The following BST1 variants were observed in gnomAD, a reference collection of about 807,000 sequenced individuals.
BST1 encodes bone marrow stromal cell antigen 1.
Under a neutral mutation model 40.6 loss-of-function variants are expected in BST1, and 49 were observed. The ratio of observed to expected loss-of-function variants is 1.21; its 90% confidence interval spans 0.96 to 1.53. BST1 has a LOEUF of 1.53. Ranked by LOEUF, BST1 falls within the 40% of genes most tolerant of loss-of-function variation. The probability of loss-of-function intolerance (pLI) is 0.00; values close to 1 mark genes in which losing one functional copy is unlikely to be tolerated. For synonymous variants in BST1, 157 were observed against 159.3 expected (o/e 0.99, Z 0.11); for missense variants, 423 against 395.9 (o/e 1.07, Z -0.58).
rs1721394671 is a variant in BST1 at position 15,731,959 on chromosome 4, GA to G, written c.*118del. On this transcript the variant is annotated 3_prime_UTR_variant, in exon 9 of 9. Transcript: ENST00000265016. ...GTTATCTAAAGAAGCTTTTTGCTGGGAAAACGATGTCCTGAAAATGGTATTT... is the reference window on the plus strand; with the variant it reads ...GTTATCTAAAGAAGCTTTTTGCTGGGAAACGATGTCCTGAAAATGGTATTT... The G allele has an allele frequency of 1.4e-6, 2 of 1,391,054 alleles. No homozygotes were observed. Among genetic ancestry groups the G allele is most frequent in the South Asian group, 1.8e-5 (1 of 56,376 alleles). 86.2% of individuals were successfully genotyped at this position (1,391,054 alleles called of 1,614,324 possible).
rs78449217 is a variant in BST1, at chr4:15,707,565, C to T, written c.370C>T (p.Arg124Cys). 4.6e-4 allele frequency: 750 copies of T among 1,613,946 alleles called. 7 individuals carry two copies. The East Asian group carries it at 8.8e-3, about 19-fold the overall frequency. The change falls in exon 3 of 9, where the codon CGT becomes TGT. Residue 124 changes from arginine to cysteine, a missense_variant. By Grantham distance (180) the Arg-to-Cys change is radical. Coordinates refer to ENST00000265016, the MANE Select transcript of BST1 (RefSeq NM_004334.3). ...TGTTAACAGCTTTGCAGACAACACC[C>T]GTCGTTTTATGCCCCTGAGCGATGT... Reference protein sequence around the residue: ...LLVNSFADNTRRFMPLSDVLY... With the variant: ...LLVNSFADNTCRFMPLSDVLY...
chr4:15,709,911 G>A (rs907589656), intron 3 of BST1, among the ~76,000 whole-genome samples: 5 of 152,018 alleles, frequency 3.3e-5, no homozygotes, highest in Middle Eastern at 3.4e-3. Context: ...CAAGAAAATA[G>A]CAAAGCCAAA....
chr4:15,712,580 C>G (rs887753040), intron 4 of BST1, among the ~76,000 whole-genome samples: 6 of 152,200 alleles, frequency 3.9e-5, no homozygotes, highest in African/African-American at 1.2e-4. Context: ...CCACCCACCA[C>G]CGCCAACCCC....
At chr4:15,759,044 C>T in the BST1 span, among the ~76,000 whole-genome samples, 7 of 151,870 alleles carry the variant, frequency 4.6e-5, no homozygotes, top group African/African-American at 7.3e-5. Context: ...TTCCACCACA[C>T]GTATCTGTGT....
downstream of BST1, chr4:15,736,154 A>T: frequency 7.8e-7 from 1 of 1,280,364 alleles, no homozygotes; most frequent in Non-Finnish European, 1.0e-6. Context: ...TTTCAAACAT[A>T]TCATTGCCTC....
At chr4:15,719,644 C>A (rs1366948578) in intron 7 of BST1, among the ~76,000 whole-genome samples, 1 of 152,156 alleles carries the variant, frequency 6.6e-6, no homozygotes, top group Non-Finnish European at 1.5e-5. Context: ...TGGAATCCAA[C>A]ATTGCAAAAA....
the BST1 span, among the ~76,000 whole-genome samples, chr4:15,752,730 T>G: frequency 6.6e-6 from 1 of 152,068 alleles, no homozygotes; most frequent in Non-Finnish European, 1.5e-5. Context: ...GTGTCTGAAC[T>G]ATTTGAGGAA....
the BST1 span, among the ~76,000 whole-genome samples, chr4:15,761,138 G>A: frequency 3.3e-5 from 5 of 151,966 alleles, no homozygotes; most frequent in South Asian, 6.2e-4. Flanking sequence ...CCCGCCTCCC[G>A]GGTTCAAGTG....
chr4:15,720,352 C>T (rs548049402), intron 7 of BST1, among the ~76,000 whole-genome samples: 4 of 152,252 alleles, frequency 2.6e-5, no homozygotes, highest in African/African-American at 4.8e-5. Context: ...AGTGCAGTGG[C>T]TCATACCTGT....
intron 8 of BST1, among the ~76,000 whole-genome samples, chr4:15,728,803 G>A (rs544371938): frequency 1.3e-5 from 2 of 152,008 alleles, no homozygotes; most frequent in Non-Finnish European, 2.9e-5. Flanking sequence ...GAGCTACCAC[G>A]CCTGGCTGAT....
rs546416211 is a variant in BST1 at position 15,728,086 on chromosome 4, T to A, written c.852-3654T>A. ...GTGATGATATGAGAAAACAGACATA[T>A]AGTACTGGAATGAGGACTCAGTGTG... On this transcript the variant is annotated intron_variant, in intron 8 of 8. Transcript: ENST00000265016. 2.6e-5 allele frequency among the ~76,000 whole-genome samples: 4 copies of A among 152,118 alleles called. No individual in the cohort carries two copies. In the South Asian group the frequency reaches 8.3e-4, roughly 32 times the overall value.
chr4:15,740,061 T>TG (rs1039944307), downstream of BST1, among the ~76,000 whole-genome samples: 3 of 151,738 alleles, frequency 2.0e-5, no homozygotes, highest in Non-Finnish European at 4.4e-5. Flanking sequence ...CTAAATTAGT[T>TG]GGGGGCAGGG....
intron 8 of BST1, among the ~76,000 whole-genome samples, chr4:15,727,475 CAT>C (rs1424116246): frequency 1.3e-5 from 2 of 152,132 alleles, no homozygotes. Context: ...TGTGAATAGT[CAT>C]AGATAATTTA....
chr4:15,726,119 G>A (rs555754113), intron 8 of BST1, among the ~76,000 whole-genome samples: 8 of 147,934 alleles, frequency 5.4e-5, no homozygotes, highest in African/African-American at 1.5e-4. Flanking sequence ...TTACCACTAC[G>A]CCAGCTAACT....
chr4:15,769,431 C>G, the BST1 span, among the ~76,000 whole-genome samples: 1 of 152,160 alleles, frequency 6.6e-6, no homozygotes, highest in African/African-American at 2.4e-5. Flanking sequence ...AGGAGGCTCC[C>G]CCATTTCTAG....
the BST1 span, among the ~76,000 whole-genome samples, chr4:15,771,554 A>T: frequency 2.6e-5 from 4 of 152,276 alleles, no homozygotes; most frequent in African/African-American, 9.6e-5. Context: ...AGAAACTAAC[A>T]TCTGAAGGTG....
the BST1 span, among the ~76,000 whole-genome samples, chr4:15,773,137 C>G: frequency 2.6e-5 from 4 of 152,156 alleles, no homozygotes; most frequent in Non-Finnish European, 5.9e-5. Flanking sequence ...AGGAGGTGAA[C>G]TTTCTCTTGG....
intron 7 of BST1, among the ~76,000 whole-genome samples, chr4:15,720,866 A>G (rs1473244550): frequency 2.0e-5 from 3 of 152,158 alleles, no homozygotes; most frequent in Non-Finnish European, 4.4e-5. Context: ...AAAAAGCTCA[A>G]TGATGGAGAA....
At chr4:15,750,763 T>C in the BST1 span, among the ~76,000 whole-genome samples, 1 of 152,254 alleles carries the variant, frequency 6.6e-6, no homozygotes, top group African/African-American at 2.4e-5. Flanking sequence ...TTTGCATATG[T>C]TGGGTTAATT....
Sources: allele counts gnomAD v4.1 joint callset (sites outside exome capture counted in the v4.1 genomes callset), GRCh38; gene constraint gnomAD v4.1.1; transcripts MANE v1.5; gene names NCBI Gene and HGNC (gene_info 2026-07-23, HGNC 2026-07-21).